Variants in SVEP1 observed in about 807,000 individuals in gnomAD.
SVEP1 encodes sushi, von Willebrand factor type A, EGF and pentraxin domain-containing protein 1.
In SVEP1, 164 loss-of-function variants were observed where a neutral mutation model predicts 367.3. The ratio of observed to expected loss-of-function variants is 0.45; its 90% CI spans 0.39 to 0.51. SVEP1 has a LOEUF of 0.51. Ranked by LOEUF, SVEP1 falls within the 20% of genes least tolerant of loss-of-function variation. The probability of loss-of-function intolerance (pLI) is 0.00; values close to 1 mark genes in which losing one functional copy is unlikely to be tolerated. For synonymous variants in SVEP1, 1,666 were observed against 1,611.6 expected (o/e 1.03, Z -0.81); for missense variants, 4,117 against 4,425.3 (o/e 0.93, Z 1.98).
chr9:110,563,654 T>C lies in SVEP1; in HGVS notation c.532-13550A>G, dbSNP rs573551629. 4.6e-5 allele frequency among the ~76,000 whole-genome samples: 7 copies of C among 152,250 alleles called. No homozygotes were observed. The East Asian group carries it at 1.3e-3, about 29-fold the overall frequency. On this transcript the variant is annotated intron_variant, in intron 1 of 47. Transcript: ENST00000374469. ...ATTTACTGGATGTATATAGGAATAT[T>C]TTTTTCTAACCCGAAAGTAGGGAGA...
intron 40 of SVEP1, among the ~76,000 whole-genome samples, chr9:110,390,135 GTATATATA>G (rs879373554): frequency 0.092 from 11,775 of 128,674 alleles, 997 homozygotes; most frequent in East Asian, 0.45. Context: ...ACTTATATAA[GTATATATA>G]CAAGTATATA....
At chr9:110,487,176 G>A (rs2118719526) in intron 9 of SVEP1, among the ~76,000 whole-genome samples, 1 of 152,196 alleles carries the variant, frequency 6.6e-6, no homozygotes, top group South Asian at 2.1e-4. Flanking sequence ...GGCTGGTCTG[G>A]AACTCTCCAC....
At chr9:110,517,262 A>G (rs138319268) in intron 3 of SVEP1, among the ~76,000 whole-genome samples, 425 of 151,780 alleles carry the variant, frequency 2.8e-3, no homozygotes, top group African/African-American at 9.8e-3. Context: ...GAGTTTCAAT[A>G]CCAGCCTGGG....
At chr9:110,560,467 T>A (rs777977827) in intron 1 of SVEP1, among the ~76,000 whole-genome samples, 4 of 152,198 alleles carry the variant, frequency 2.6e-5, no homozygotes, top group African/African-American at 7.2e-5. Context: ...GTTTGCCATT[T>A]CCAAATTTTC....
At position 110,456,241 on chromosome 9, in the gene SVEP1, A is replaced by G. The variant is rs545535249; in HGVS notation, c.3674-538T>C. On this transcript the variant is annotated intron_variant, in intron 21 of 47. Transcript: ENST00000374469. ...GAATGCAATAAAAATACAAATTCTC[A>G]GGCTGTACTCCAGACCCACTGAATT... 1.3e-3 allele frequency among the ~76,000 whole-genome samples: 191 copies of G among 152,290 alleles called. 1 individual carries two copies. The highest frequency in any genetic ancestry group is 4.4e-3 in the African/African-American group (181 of 41,564).
intron 39 of SVEP1, among the ~76,000 whole-genome samples, chr9:110,402,584 T>C (rs1363115381): frequency 2.0e-5 from 3 of 152,136 alleles, no homozygotes; most frequent in Non-Finnish European, 4.4e-5. Flanking sequence ...AAATAAATTA[T>C]TGACTTAAAA....
chr9:110,416,168 G>A (rs1431025217), intron 36 of SVEP1, among the ~76,000 whole-genome samples: 1 of 151,814 alleles, frequency 6.6e-6, no homozygotes, highest in Non-Finnish European at 1.5e-5. Flanking sequence ...ATCACAAATG[G>A]GTTGGCAGAC....
chr9:110,545,241 T>C (rs1830205446), intron 3 of SVEP1, among the ~76,000 whole-genome samples: 1 of 152,208 alleles, frequency 6.6e-6, no homozygotes, highest in South Asian at 2.1e-4. Context: ...TATGCAAATA[T>C]CTCTTTGACA....
intron 40 of SVEP1, among the ~76,000 whole-genome samples, chr9:110,400,572 G>T (rs1161293451): frequency 6.6e-6 from 1 of 152,036 alleles, no homozygotes; most frequent in African/African-American, 2.4e-5. Context: ...TCACCATGTT[G>T]GCCAGACTGG....
chr9:110,463,504 T>G (rs1316767139), intron 18 of SVEP1, among the ~76,000 whole-genome samples: 1 of 136,718 alleles, frequency 7.3e-6, no homozygotes, highest in Middle Eastern at 3.4e-3. Flanking sequence ...CAGTACACTA[T>G]AAAAATAAAT....
intron 10 of SVEP1, among the ~76,000 whole-genome samples, chr9:110,483,115 T>G (rs1829220440): frequency 6.6e-6 from 1 of 152,354 alleles, no homozygotes; most frequent in Admixed American, 6.5e-5. Context: ...TTGCATTTTT[T>G]GTTGTTTTCT....
At chr9:110,542,021 A>G (rs1830157081) in intron 3 of SVEP1, among the ~76,000 whole-genome samples, 1 of 151,956 alleles carries the variant, frequency 6.6e-6, no homozygotes, top group Admixed American at 6.6e-5. Context: ...CCCATTTTAC[A>G]GAAAAAACTC....
At chr9:110,458,645 G>T in intron 19 of SVEP1, 83 bp from the exon 20 acceptor site, 1 of 1,341,620 alleles carries the variant, frequency 7.5e-7, no homozygotes, top group African/African-American at 1.5e-5. Flanking sequence ...CAAGATTCTG[G>T]TTGTCAGAGT....
intron 13 of SVEP1, 58 bp from the exon 14 acceptor site, chr9:110,476,373 A>G: frequency 7.5e-7 from 1 of 1,332,722 alleles, no homozygotes; most frequent in Non-Finnish European, 1.1e-6. Flanking sequence ...TGCCTTGGAT[A>G]AACACTTTGC....
At chr9:110,518,195 G>A (rs553119474) in intron 3 of SVEP1, among the ~76,000 whole-genome samples, 1 of 152,126 alleles carries the variant, frequency 6.6e-6, no homozygotes, top group East Asian at 1.9e-4. Flanking sequence ...GGATAAGGCG[G>A]GCCGATCACC....
Position 110,411,157 on chromosome 9 carries a change from G to A in SVEP1, c.6554C>T (p.Thr2185Ile). 1 of 1,613,968 alleles carries A rather than the reference G, an allele frequency of 6.2e-7. No individual in the cohort carries two copies. The highest frequency in any genetic ancestry group is 1.3e-5 in the African/African-American group (1 of 75,046). The change falls in exon 37 of 48, where the codon ACC (threonine) becomes ATC (isoleucine). Residue 2185 changes from threonine (T) to isoleucine (I), a missense_variant. By Grantham distance (89) the Thr-to-Ile change is moderately conservative. Around this residue, in one of 4 missense-constraint regions of SVEP1, gnomAD observed 1,765 missense variants for 1,781.1 expected, o/e 0.99. Coordinates refer to ENST00000374469, the MANE Select transcript of SVEP1 (RefSeq NM_153366.4). ...GFYIKGEKKS[T>I]CEATGQWSSP... ...ACTCCACTGCCCTGTGGCTTCGCAGGTGCTCTTCTTTTCCCCTTTGATGTA... is the reference window on the plus strand; with the variant it reads ...ACTCCACTGCCCTGTGGCTTCGCAGATGCTCTTCTTTTCCCCTTTGATGTA...
chr9:110,398,765 C>G (rs566018438), intron 40 of SVEP1, among the ~76,000 whole-genome samples: 10 of 152,278 alleles, frequency 6.6e-5, no homozygotes, highest in African/African-American at 2.2e-4. Flanking sequence ...CACTGGCCAT[C>G]AGAGAAATGC....
At chr9:110,575,452 C>G (rs1018455070) in intron 1 of SVEP1, among the ~76,000 whole-genome samples, 3 of 152,112 alleles carry the variant, frequency 2.0e-5, no homozygotes, top group Non-Finnish European at 2.9e-5. Context: ...AGGAATAAGG[C>G]CAGCCATCAG....
chr9:110,451,937 A>C (rs555247706), intron 22 of SVEP1, among the ~76,000 whole-genome samples: 1 of 152,356 alleles, frequency 6.6e-6, no homozygotes, highest in South Asian at 2.1e-4. Context: ...TTACACATCT[A>C]GAAACAGATC....
Sources: allele counts gnomAD v4.1 joint callset (sites outside exome capture counted in the v4.1 genomes callset), GRCh38; gene constraint gnomAD v4.1.1; regional missense constraint gnomAD v4.1.1; transcripts MANE v1.5; gene names NCBI Gene and HGNC (gene_info 2026-07-23, HGNC 2026-07-21).